PCDHA11: variants seen among roughly 807,000 people sequenced by gnomAD.
PCDHA11 encodes the protein protocadherin alpha 11.
PCDHA11 carries 61 observed loss-of-function variants against 70.3 expected under a neutral mutation model. The ratio of observed to expected loss-of-function variants is 0.87; its 90% CI spans 0.71 to 1.07. The LOEUF is 1.07. PCDHA11 is among the 50% of genes least tolerant of loss of function. The pLI is 0.00. For missense variants in PCDHA11, 1,324 were observed against 1,237.5 expected, an observed-to-expected ratio of 1.07 and a Z score of -1.05; for synonymous variants, 633 against 555.1, an observed-to-expected ratio of 1.14 and a Z score of -1.97.
rs782722664 is a variant in PCDHA11, at chr5:140,869,066, T to G, written c.-38T>G. 6.4e-7 allele frequency: 1 copy of G among 1,567,422 alleles called. No homozygotes were observed. The highest frequency in any genetic ancestry group is 8.6e-7 in the Non-Finnish European group (1 of 1,158,604). ...AAACTGAAGAATCTGGTACTGTAAG[T>G]GTAAAGAAGCTTATTTTGGAAGCCA... On this transcript the variant is annotated 5_prime_UTR_variant, in exon 1 of 4. Coordinates refer to ENST00000398640, the MANE Select transcript of PCDHA11 (RefSeq NM_018902.5).
intron 3 of PCDHA11, among the ~76,000 whole-genome samples, chr5:141,005,506 A>G (rs1462164149): frequency 1.3e-5 from 2 of 151,786 alleles, no homozygotes; most frequent in East Asian, 3.9e-4. Flanking sequence ...GATCGAGACC[A>G]TCCTGGCTAA....
rs1164802929 is a variant in PCDHA11 at position 140,869,412 on chromosome 5, C to T, written c.309C>T (p.Ser103=). The change falls in exon 1 of 4, where the codon AGC becomes AGT. Residue 103 remains serine (S), a synonymous_variant. Transcript: ENST00000398640. ...EELCGQSAEC[S]IHLEVIVDRP... is the part of the protein sequence containing the mutation. ...TGTGCGGGCAGAGCGCGGAGTGCAG[C>T]ATCCACCTGGAGGTGATCGTGGACA... The T allele has an allele frequency of 1.9e-6, 3 of 1,614,078 alleles. No individual in the cohort carries two copies. Among genetic ancestry groups the T allele is most frequent in the Admixed American group, 1.7e-5 (1 of 59,992 alleles).
At chr5:140,936,043 C>A (rs1246569956) in intron 1 of PCDHA11, among the ~76,000 whole-genome samples, 1 of 152,038 alleles carries the variant, frequency 6.6e-6, no homozygotes, top group Non-Finnish European at 1.5e-5. Context: ...CAGGCACCCA[C>A]CACCACACCC....
chr5:140,927,257 C>T, intron 1 of PCDHA11: 1 of 1,614,152 alleles, frequency 6.2e-7, no homozygotes, highest in Non-Finnish European at 8.5e-7. Flanking sequence ...GACAACTCAC[C>T]TCTCTTTCCT....
intron 1 of PCDHA11, chr5:140,876,947 A>C: frequency 6.2e-7 from 1 of 1,613,496 alleles, no homozygotes; most frequent in Non-Finnish European, 8.5e-7. Flanking sequence ...CTGGTGTCCT[A>C]CTCGCTGGTG....
intron 3 of PCDHA11, among the ~76,000 whole-genome samples, chr5:140,987,919 A>G (rs1441531471): frequency 1.3e-5 from 2 of 152,082 alleles, no homozygotes; most frequent in East Asian, 3.9e-4. Context: ...TATATTCTTA[A>G]TTGTCTCAAG....
chr5:140,997,131 C>T (rs577407385), intron 3 of PCDHA11, among the ~76,000 whole-genome samples: 26 of 152,126 alleles, frequency 1.7e-4, no homozygotes, highest in African/African-American at 6.0e-4. Flanking sequence ...ACACAATGCC[C>T]CCACACCCCC....
intron 1 of PCDHA11, among the ~76,000 whole-genome samples, chr5:140,925,793 A>G (rs1261267937): frequency 6.6e-6 from 1 of 152,074 alleles, no homozygotes; most frequent in African/African-American, 2.4e-5. Context: ...GTATCTCAGT[A>G]CTTTCCCCTC....
chr5:140,875,125 A>T (rs1158150211), intron 1 of PCDHA11, among the ~76,000 whole-genome samples: 2 of 152,240 alleles, frequency 1.3e-5, no homozygotes, highest in Non-Finnish European at 2.9e-5. Flanking sequence ...TATATTAACT[A>T]AACCCGCATT....
chr5:140,906,962 C>T (rs1554192812), intron 1 of PCDHA11, among the ~76,000 whole-genome samples: 2 of 152,146 alleles, frequency 1.3e-5, no homozygotes, highest in South Asian at 4.1e-4. Context: ...TTAATGGAAT[C>T]GTGGTTGTGT....
chr5:140,943,276 AAG>A (rs1491082610), intron 1 of PCDHA11, among the ~76,000 whole-genome samples: 3,151 of 135,552 alleles, frequency 0.023, 213 homozygotes, highest in African/African-American at 0.087. Flanking sequence ...AAAAAAAAAA[AAG>A]AAAGAAAGAA....
Position 140,870,321 on chromosome 5 carries a change from G to C in PCDHA11, c.1218G>C (p.Leu406Phe), listed in dbSNP as rs1554164064. The C allele has an allele frequency of 1.9e-6, 3 of 1,614,222 alleles. No individual in the cohort carries two copies. In the Admixed American group the frequency reaches 5.0e-5, roughly 27 times the overall value. Residue 406 changes from leucine (L) to phenylalanine (F), a missense_variant, in exon 1 of 4, where the codon TTG becomes TTC. Leu to Phe is a conservative substitution (Grantham distance 22). Transcript: ENST00000398640. ...LVSTFKNYYS[L>F]VLDSALDREN... Reference sequence around the variant, plus strand: ...CCACCTTCAAGAATTACTACTCGTTGGTGCTGGACAGCGCCCTGGACCGCG... The same window carrying C: ...CCACCTTCAAGAATTACTACTCGTTCGTGCTGGACAGCGCCCTGGACCGCG...
chr5:140,939,789 A>G (rs1259994967), intron 1 of PCDHA11, among the ~76,000 whole-genome samples: 1 of 152,246 alleles, frequency 6.6e-6, no homozygotes, highest in Non-Finnish European at 1.5e-5. Context: ...GTCAATTTCT[A>G]TAAATGTTCT....
chr5:140,935,561 T>C (rs1184981109), intron 1 of PCDHA11, among the ~76,000 whole-genome samples: 3 of 152,218 alleles, frequency 2.0e-5, no homozygotes, highest in African/African-American at 7.2e-5. Context: ...TTGGAAAAGT[T>C]CCTCTCTGTG....
chr5:140,884,092 G>C, intron 1 of PCDHA11: 2 of 1,613,556 alleles, frequency 1.2e-6, no homozygotes, highest in Non-Finnish European at 1.7e-6. Context: ...CGTGGCTTTC[G>C]TATGAATTGC....
At chr5:140,975,491 C>T (rs2153807371) in intron 1 of PCDHA11, among the ~76,000 whole-genome samples, 1 of 152,274 alleles carries the variant, frequency 6.6e-6, no homozygotes, top group Middle Eastern at 3.4e-3. Flanking sequence ...TATCAATGTT[C>T]ATAAAATAGC....
intron 1 of PCDHA11, among the ~76,000 whole-genome samples, chr5:140,872,956 T>C (rs2054003251): frequency 6.6e-6 from 1 of 152,228 alleles, no homozygotes; most frequent in Admixed American, 6.5e-5. Context: ...CCACGTAGTA[T>C]CATCCCATCT....
rs782366361 is a variant in PCDHA11, at chr5:140,884,693, T to C, written c.2391+13199T>C. On this transcript the variant is annotated intron_variant, in intron 1 of 3. Coordinates refer to ENST00000398640, the MANE Select transcript of PCDHA11 (RefSeq NM_018902.5). ...CTTATATTTTAAAAAATTGTCTTAGTAAACACTTTAGCCTTCCTTGCAGTT... is the reference window on the plus strand; with the variant it reads ...CTTATATTTTAAAAAATTGTCTTAGCAAACACTTTAGCCTTCCTTGCAGTT... The C allele has an allele frequency of 2.1e-5, 32 of 1,524,768 alleles. No individual in the cohort carries two copies. The East Asian group carries it at 6.9e-4, about 33-fold the overall frequency. The allele number at this position is 1,524,768 out of a possible 1,614,324, so 94.5% of individuals were successfully genotyped here. A position where few individuals can be genotyped will look rare whatever the true frequency, so the allele number is the denominator to read the frequency against.
chr5:140,884,521 G>C (rs569278761), intron 1 of PCDHA11: 1 of 1,614,196 alleles, frequency 6.2e-7, no homozygotes, highest in African/African-American at 1.3e-5. Context: ...GGTCGTACTC[G>C]CAGCAGAGGC....
Sources: gnomAD v4.1 joint callset for allele counts (sites outside exome capture counted in the v4.1 genomes callset) on GRCh38, gnomAD v4.1.1 for gene constraint, MANE v1.5 for transcripts, NCBI Gene and HGNC (gene_info 2026-07-23, HGNC 2026-07-21) for gene names.